The following RNF128 variants were observed in gnomAD, a reference collection of about 807,000 sequenced individuals.
The protein encoded by RNF128 is E3 ubiquitin-protein ligase RNF128.
Under a neutral mutation model 26.2 loss-of-function variants are expected in RNF128, and 13 were observed. That is an observed-to-expected ratio of 0.50 (90% CI 0.32 to 0.79). The LOEUF is 0.79. RNF128 is among the 30% of genes least tolerant of loss of function. RNF128 has a pLI of 0.03. For synonymous variants in RNF128, 149 were observed against 142.5 expected, an observed-to-expected ratio of 1.05 and a Z score of -0.32; for missense variants, 315 against 349.7, an observed-to-expected ratio of 0.90 and a Z score of 0.79.
intron 1 of RNF128, among the ~76,000 whole-genome samples, chrX:106,755,163 A>C (rs1427328007): frequency 8.9e-6 from 1 of 111,878 alleles, no homozygotes. Flanking sequence ...CGTTGAAGAA[A>C]TGGATAAATT....
intron 1 of RNF128, among the ~76,000 whole-genome samples, chrX:106,721,604 G>T (rs755558070): frequency 8.9e-6 from 1 of 111,794 alleles, no homozygotes; most frequent in Non-Finnish European, 1.9e-5. Flanking sequence ...ATTCAAAAAG[G>T]CTCCTGGCCC....
intron 1 of RNF128, among the ~76,000 whole-genome samples, chrX:106,733,710 AT>A (rs889003263): frequency 9.9e-5 from 11 of 110,561 alleles, no homozygotes; most frequent in African/African-American, 3.3e-4. Flanking sequence ...TTATTTATTT[AT>A]TTTTTTTGAG....
chrX:106,793,802 C>A (rs1403729066), intron 6 of RNF128, among the ~76,000 whole-genome samples: 1 of 111,290 alleles, frequency 9.0e-6, no homozygotes, highest in African/African-American at 3.3e-5. Context: ...GTGCCCCTTT[C>A]AGTGCCCCCA....
rs747027230 is a variant in RNF128, at chrX:106,726,949, C to G, written c.36C>G (p.Arg12=). The change falls in exon 1 of 7, where the codon CGC becomes CGG. Residue 12 remains arginine (R), a synonymous_variant. Transcript: ENST00000255499. ...GPPPGAGVSC[R]GGCGFSRLLA... is the part of the protein sequence containing the mutation. ...CGCCTGGGGCCGGGGTCTCCTGCCG[C>G]GGTGGCTGCGGCTTTTCCAGATTGC... is the stretch of plus-strand genomic sequence containing the variant. 5 of 1,183,647 alleles carry G rather than the reference C, an allele frequency of 4.2e-6. No homozygotes were observed. The Admixed American group carries it at 1.2e-4, about 28-fold the overall frequency.
chrX:106,736,476 T>G (rs1232977863), intron 1 of RNF128, among the ~76,000 whole-genome samples: 1 of 111,595 alleles, frequency 9.0e-6, no homozygotes, highest in Non-Finnish European at 1.9e-5. Flanking sequence ...AGCTTCTTTT[T>G]CCTTTTCAAA....
At chrX:106,723,391 AC>A (rs1453333063), upstream of RNF128, among the ~76,000 whole-genome samples, 1 of 110,290 alleles carries the variant, frequency 9.1e-6, no homozygotes, top group Non-Finnish European at 1.9e-5. Flanking sequence ...ACATGGTGAA[AC>A]CCCGTCTCTA....
upstream of RNF128, among the ~76,000 whole-genome samples, chrX:106,724,603 T>C (rs1211568567): frequency 8.9e-6 from 1 of 111,816 alleles, no homozygotes; most frequent in Admixed American, 9.5e-5. Flanking sequence ...TAATTGTAGC[T>C]TCCTAACATT....
chrX:106,769,359 G>A (rs189950188), intron 1 of RNF128, among the ~76,000 whole-genome samples: 1 of 110,622 alleles, frequency 9.0e-6, no homozygotes, highest in Non-Finnish European at 1.9e-5. Context: ...AAGTCTCTTT[G>A]TAGGTCTCTA....
chrX:106,726,524 TA>T, upstream of RNF128: 1 of 404,021 alleles, frequency 2.5e-6, no homozygotes, highest in Non-Finnish European at 3.2e-6. Flanking sequence ...CCGTTTTTTA[TA>T]AAACGACGCG....
At chrX:106,773,296 A>C in intron 2 of RNF128, 136 bp downstream of exon 2, 1 of 613,611 alleles carries the variant, frequency 1.6e-6, no homozygotes, top group South Asian at 3.5e-5. Context: ...GGTAGTTTTT[A>C]AAAGTATGTC....
At chrX:106,774,956 A>C (rs1415123994) in intron 2 of RNF128, among the ~76,000 whole-genome samples, 1 of 112,139 alleles carries the variant, frequency 8.9e-6, no homozygotes, top group Non-Finnish European at 1.9e-5. Context: ...TTAGGAATAG[A>C]TGAGAAATTG....
chrX:106,778,107 G>A (rs1168817240), intron 2 of RNF128, among the ~76,000 whole-genome samples: 1 of 111,291 alleles, frequency 9.0e-6, no homozygotes, highest in African/African-American at 3.3e-5. Context: ...TATCAGTAAG[G>A]CTTCCAGTCA....
In RNF128 at chrX:106,704,078, G is replaced by A. The variant is rs1487512175; in HGVS notation, c.406+9670G>A. Reference sequence around the variant, plus strand: ...TGGTCCATGGCCAAGCAGAGAGGAAGGTAATAGAGGTTATTAAAACCAAAT... The same window carrying A: ...TGGTCCATGGCCAAGCAGAGAGGAAAGTAATAGAGGTTATTAAAACCAAAT... On this transcript the variant is annotated intron_variant, in intron 1 of 6. Coordinates refer to the RNF128 transcript ENST00000324342. 9.1e-5 allele frequency among the ~76,000 whole-genome samples: 10 copies of A among 109,772 alleles called. No individual in the cohort carries two copies. The East Asian group carries it at 2.0e-3, about 22-fold the overall frequency.
At chrX:106,714,925 G>C (rs755211985) in intron 1 of RNF128, among the ~76,000 whole-genome samples, 8 of 111,954 alleles carry the variant, frequency 7.1e-5, no homozygotes, top group Non-Finnish European at 1.1e-4. Context: ...TGGTATAGAT[G>C]TACCACAGTT....
chrX:106,710,732 G>A (rs1012793752), intron 1 of RNF128, among the ~76,000 whole-genome samples: 9 of 82,685 alleles, frequency 1.1e-4, no homozygotes, highest in African/African-American at 3.6e-4. Context: ...ACTCCAGCCT[G>A]GACGAAAGTC....
intron 1 of RNF128, among the ~76,000 whole-genome samples, chrX:106,705,024 T>A (rs188835711): frequency 1.8e-5 from 2 of 111,800 alleles, no homozygotes; most frequent in East Asian, 5.6e-4. Flanking sequence ...TAAATTTAAA[T>A]CACAAGGGTT....
intron 1 of RNF128, among the ~76,000 whole-genome samples, chrX:106,747,066 T>C (rs1929804943): frequency 8.9e-6 from 1 of 112,067 alleles, no homozygotes; most frequent in African/African-American, 3.2e-5. Context: ...ACTGGAATTA[T>C]AAAAATGACA....
At position 106,790,222 on chromosome X, in the gene RNF128, G is replaced by C; in HGVS notation, c.924G>C (p.Leu308=). The C allele has an allele frequency of 9.1e-6, 11 of 1,203,890 alleles. No homozygotes were observed. Among genetic ancestry groups the C allele is most frequent in the Non-Finnish European group, 1.1e-5 (10 of 890,088 alleles). Residue 308 remains leucine (L), a synonymous_variant, in exon 5 of 7, where the codon CTG becomes CTC. Coordinates refer to ENST00000255499, the MANE Select transcript of RNF128 (RefSeq NM_194463.2). ...ATAAGACATGTGTTGACCCATGGCTGTTAGAACACAGGACTTGCCCCATGT... is the reference window on the plus strand; with the variant it reads ...ATAAGACATGTGTTGACCCATGGCTCTTAGAACACAGGACTTGCCCCATGT... ...IFHKTCVDPW[L]LEHRTCPMCK...
intron 1 of RNF128, among the ~76,000 whole-genome samples, chrX:106,753,696 C>T (rs1184172331): frequency 1.8e-5 from 2 of 111,570 alleles, no homozygotes; most frequent in Admixed American, 9.5e-5. Context: ...AACTAGCTGC[C>T]ATCCTTAAGA....
Sources: gnomAD v4.1 joint callset for allele counts (sites outside exome capture counted in the v4.1 genomes callset) on GRCh38, gnomAD v4.1.1 for gene constraint, MANE v1.5 for transcripts, NCBI Gene and HGNC (gene_info 2026-07-23, HGNC 2026-07-21) for gene names.